The following COG7 variants were observed in gnomAD, a reference collection of about 807,000 sequenced individuals.
COG7 encodes conserved oligomeric Golgi complex subunit 7.
In COG7, 49 loss-of-function variants were observed where a neutral mutation model predicts 91.5. The observed-to-expected ratio is 0.54, with a 90% CI of 0.43 to 0.68. The LOEUF (loss-of-function observed/expected upper bound fraction) is 0.68, where lower values mean the gene tolerates loss of function less well. Ranked by LOEUF, COG7 falls within the 30% of genes least tolerant of loss-of-function variation. The pLI, the probability that COG7 is intolerant of heterozygous loss-of-function variation, is 0.00. For synonymous variants in COG7, 365 were observed against 388.7 expected, an observed-to-expected ratio of 0.94 and a Z score of 0.72; for missense variants, 895 against 961.3, an observed-to-expected ratio of 0.93 and a Z score of 0.91.
At chr16:23,450,408 T>C (rs765423918) in intron 1 of COG7, among the ~76,000 whole-genome samples, 2 of 152,208 alleles carry the variant, frequency 1.3e-5, no homozygotes, top group Non-Finnish European at 2.9e-5. Flanking sequence ...TCCGTCATTG[T>C]AATTTACTGT....
intron 1 of COG7, among the ~76,000 whole-genome samples, chr16:23,449,747 A>G (rs749641730): frequency 5.4e-5 from 8 of 148,138 alleles, no homozygotes; most frequent in South Asian, 2.1e-4. Context: ...TTGAAACTCC[A>G]TCTCAAAAAA....
chr16:23,434,853 G>C (rs1963990300), intron 4 of COG7, 135 bp from the exon 5 acceptor site: 2 of 684,802 alleles, frequency 2.9e-6, no homozygotes, highest in South Asian at 3.1e-5. Context: ...ATTAACTCAT[G>C]CATGAGGATC....
Position 23,453,159 on chromosome 16 carries a change from C to T in COG7, c.-165G>A, listed in dbSNP as rs1964295506. On this transcript the variant is annotated 5_prime_UTR_variant, in exon 1 of 17. Coordinates refer to ENST00000307149, the MANE Select transcript of COG7 (RefSeq NM_153603.4). ...TGCCCCTTTGCGCTTCCCCGCTCAGCGCACTCAGTTTGCGGCTGGGAATGA... is the reference window on the plus strand; with the variant it reads ...TGCCCCTTTGCGCTTCCCCGCTCAGTGCACTCAGTTTGCGGCTGGGAATGA... The T allele has an allele frequency of 2.1e-6, 3 of 1,417,296 alleles. No individual in the cohort carries two copies. Among genetic ancestry groups the T allele is most frequent in the South Asian group, 1.5e-5 (1 of 67,716 alleles). 87.8% of individuals were successfully genotyped at this position (1,417,296 alleles called of 1,614,324 possible). A position where few individuals can be genotyped will look rare whatever the true frequency, so the allele number is the denominator to read the frequency against.
Position 23,410,226 on chromosome 16 carries a change from G to A in COG7, c.1475+69C>T, listed in dbSNP as rs559498799. The A allele has an allele frequency of 8.9e-5, 115 of 1,285,980 alleles. 1 individual carries two copies. In the South Asian group the frequency reaches 1.3e-3, roughly 15 times the overall value. The allele number at this position is 1,285,980 out of a possible 1,614,324, so 79.7% of individuals were successfully genotyped here. ...TGGCATATGCTGTCCTTGCTGTACT[G>A]TGTACTAGACCAAGCTCGTGCTGAT... On this transcript the variant is annotated intron_variant, in intron 11 of 16. Coordinates refer to ENST00000307149, the MANE Select transcript of COG7 (RefSeq NM_153603.4).
chr16:23,393,965 C>T (rs529865952), intron 14 of COG7, among the ~76,000 whole-genome samples: 5 of 149,046 alleles, frequency 3.4e-5, no homozygotes, highest in Admixed American at 2.7e-4. Flanking sequence ...CACTTGAACT[C>T]GGCGGGGGCG....
intron 4 of COG7, among the ~76,000 whole-genome samples, chr16:23,435,145 C>T (rs1963994761): frequency 6.6e-6 from 1 of 152,152 alleles, no homozygotes; most frequent in Non-Finnish European, 1.5e-5. Context: ...AGGCGGATCA[C>T]CTGAGGTCAG....
At chr16:23,438,843 C>T (rs1964053340) in intron 4 of COG7, among the ~76,000 whole-genome samples, 1 of 151,844 alleles carries the variant, frequency 6.6e-6, no homozygotes. Context: ...AGTATAACAG[C>T]TCCTCAAAAA....
At chr16:23,415,313 G>C (rs1963635046) in intron 9 of COG7, 1 of 152,246 alleles carries the variant, frequency 6.6e-6, no homozygotes, top group Non-Finnish European at 1.5e-5. Context: ...GTGCTCTGCA[G>C]AAAGAGCAGG....
intron 9 of COG7, 91 bp downstream of exon 9, chr16:23,416,876 T>C: frequency 6.8e-7 from 1 of 1,468,124 alleles, no homozygotes; most frequent in Admixed American, 1.8e-5. Flanking sequence ...TTTCCCAGGG[T>C]TCAGAGAACA....
At chr16:23,409,813 T>G (rs1038211471) in intron 11 of COG7, among the ~76,000 whole-genome samples, 1 of 152,060 alleles carries the variant, frequency 6.6e-6, no homozygotes, top group Non-Finnish European at 1.5e-5. Context: ...ACCCCAGAGA[T>G]TCCCCTTTGA....
intron 6 of COG7, among the ~76,000 whole-genome samples, chr16:23,431,286 G>A (rs889439710): frequency 6.6e-6 from 1 of 152,172 alleles, no homozygotes; most frequent in African/African-American, 2.4e-5. Flanking sequence ...ACCTTCAGGA[G>A]GGGACAGCCC....
intron 1 of COG7, among the ~76,000 whole-genome samples, chr16:23,447,871 G>T (rs1964206729): frequency 6.6e-6 from 1 of 151,926 alleles, no homozygotes; most frequent in Non-Finnish European, 1.5e-5. Flanking sequence ...CTGCACTCCA[G>T]CCTGGCAACA....
rs147874268 is a variant in COG7 at position 23,439,107 on chromosome 16, G to A, written c.604+3370C>T. On this transcript the variant is annotated intron_variant, in intron 4 of 16. Coordinates refer to ENST00000307149, the MANE Select transcript of COG7 (RefSeq NM_153603.4). ...TGGGTGGCAGAGGTCACAGTGAGCC[G>A]AGATCATGCCACTGCACTCCAGCCT... 6.2e-5 allele frequency among the ~76,000 whole-genome samples: 9 copies of A among 145,646 alleles called. No homozygotes were observed. In the East Asian group the frequency reaches 1.4e-3, roughly 23 times the overall value.
chr16:23,401,325 G>A (rs1254055210), intron 13 of COG7, among the ~76,000 whole-genome samples: 1 of 152,178 alleles, frequency 6.6e-6, no homozygotes. Flanking sequence ...AGCCACCTGC[G>A]CCCATTCCCA....
chr16:23,400,858 T>A (rs1390185871), intron 13 of COG7, among the ~76,000 whole-genome samples: 3 of 151,736 alleles, frequency 2.0e-5, no homozygotes, highest in Non-Finnish European at 2.9e-5. Flanking sequence ...TAGTCCCAGA[T>A]ACTTGGGAGG....
rs369854088 is a variant in COG7, at chr16:23,398,108, C to T, written c.1825G>A (p.Gly609Arg). ...KMDSWNTAGI[G>R]ETLTDELPAF... ...GGCAGTTCATCTGTGAGGGTTTCTC[C>T]GATGCCAGCCGTATTCCAGCTCTAA... Residue 609 changes from glycine to arginine, a missense_variant, in exon 14 of 17, where the codon GGA becomes AGA. Gly to Arg is a moderately radical substitution (Grantham distance 125). Transcript: ENST00000307149. The T allele has an allele frequency of 1.7e-5, 27 of 1,614,088 alleles. No homozygotes were observed. Among genetic ancestry groups the T allele is most frequent in the East Asian group, 2.2e-5 (1 of 44,884 alleles).
At chr16:23,440,873 C>T (rs908163276) in intron 4 of COG7, among the ~76,000 whole-genome samples, 3 of 152,044 alleles carry the variant, frequency 2.0e-5, no homozygotes, top group African/African-American at 7.2e-5. Context: ...GGAACAGATA[C>T]TTCAGAAAAC....
intron 16 of COG7, chr16:23,389,794 T>G (rs1963160104): frequency 6.6e-6 from 1 of 152,668 alleles, no homozygotes; most frequent in African/African-American, 2.4e-5. Flanking sequence ...ACTAGGTTGA[T>G]GAGCATCCCA....
chr16:23,397,515 C>T (rs184807751), intron 14 of COG7, among the ~76,000 whole-genome samples: 9 of 152,290 alleles, frequency 5.9e-5, no homozygotes, highest in Non-Finnish European at 1.0e-4. Flanking sequence ...AAGGACTCCA[C>T]GTGCCCCCAT....
Sources: gnomAD v4.1 joint callset for allele counts (sites outside exome capture counted in the v4.1 genomes callset) on GRCh38, gnomAD v4.1.1 for gene constraint, MANE v1.5 for transcripts, NCBI Gene and HGNC (gene_info 2026-07-23, HGNC 2026-07-21) for gene names.